Variants in ATP10A observed in about 807,000 individuals in gnomAD.
The protein encoded by ATP10A is phospholipid-transporting ATPase VA.
Under a neutral mutation model 147.8 loss-of-function variants are expected in ATP10A, and 111 were observed. The observed-to-expected ratio is 0.75, with a 90% confidence interval of 0.64 to 0.88. The LOEUF (loss-of-function observed/expected upper bound fraction) is 0.88. ATP10A is among the 40% of genes least tolerant of loss of function. ATP10A has a pLI of 0.00. For missense variants in ATP10A, 1,927 were observed against 1,959.0 expected, an observed-to-expected ratio of 0.98 and a Z score of 0.31; for synonymous variants, 875 against 841.6, an observed-to-expected ratio of 1.04 and a Z score of -0.69.
intron 1 of ATP10A, among the ~76,000 whole-genome samples, chr15:25,793,558 A>G (rs550664547): frequency 3.9e-5 from 6 of 152,282 alleles, no homozygotes; most frequent in African/African-American, 1.2e-4. Context: ...CAGCAGCTCC[A>G]CTTCGCTGGG....
chr15:25,709,076 C>T (rs1007402636), intron 10 of ATP10A: 2 of 152,218 alleles, frequency 1.3e-5, no homozygotes, highest in African/African-American at 4.8e-5. Flanking sequence ...ACAGAGCCCT[C>T]AAGGGAGTGA....
intron 2 of ATP10A, among the ~76,000 whole-genome samples, chr15:25,769,114 T>G (rs1460340823): frequency 6.6e-6 from 1 of 152,152 alleles, no homozygotes; most frequent in Non-Finnish European, 1.5e-5. Flanking sequence ...AAACACACTC[T>G]AATCAGATTT....
At chr15:25,681,214 A>T (rs749478670) in intron 17 of ATP10A, 140 bp from the exon 18 acceptor site, 4 of 774,392 alleles carry the variant, frequency 5.2e-6, no homozygotes, top group Non-Finnish European at 8.3e-6. Context: ...TAGAGCTGGG[A>T]AAGGCCATGA....
At chr15:25,725,920 C>T in intron 5 of ATP10A, 31 bp downstream of exon 5, 3 of 1,588,308 alleles carry the variant, frequency 1.9e-6, no homozygotes, top group Middle Eastern at 1.7e-4. Flanking sequence ...GCCTGGCCCC[C>T]ACTCATTTCC....
chr15:25,758,780 A>C (rs1206516514), intron 2 of ATP10A, among the ~76,000 whole-genome samples: 3 of 33,668 alleles, frequency 8.9e-5, no homozygotes, highest in African/African-American at 2.0e-4. Flanking sequence ...GCTCCACCCT[A>C]ACTCATTCCG....
At chr15:25,801,875 T>C (rs1333861450) in intron 1 of ATP10A, among the ~76,000 whole-genome samples, 11 of 152,160 alleles carry the variant, frequency 7.2e-5, no homozygotes, top group Admixed American at 6.5e-4. Context: ...ACTCGTTACA[T>C]GGATAACAGA....
intron 1 of ATP10A, among the ~76,000 whole-genome samples, chr15:25,850,645 C>A (rs552585376): frequency 6.6e-6 from 1 of 150,386 alleles, no homozygotes; most frequent in Non-Finnish European, 1.5e-5. Flanking sequence ...CCCTCCCTCC[C>A]CCCCCAGCCC....
At chr15:25,859,462 C>T (rs1238854293) in intron 1 of ATP10A, among the ~76,000 whole-genome samples, 1 of 152,140 alleles carries the variant, frequency 6.6e-6, no homozygotes, top group Non-Finnish European at 1.5e-5. Context: ...TAGCCAGCAC[C>T]GAGGTCCATA....
At chr15:25,812,254 A>G (rs1891466474) in intron 1 of ATP10A, among the ~76,000 whole-genome samples, 1 of 152,208 alleles carries the variant, frequency 6.6e-6, no homozygotes, top group Admixed American at 6.5e-5. Flanking sequence ...CAAAATAACA[A>G]GTCAGGAAAC....
At chr15:25,812,509 A>G (rs1218983013) in intron 1 of ATP10A, among the ~76,000 whole-genome samples, 1 of 152,204 alleles carries the variant, frequency 6.6e-6, no homozygotes, top group Non-Finnish European at 1.5e-5. Flanking sequence ...TTCCAAGAAC[A>G]CTTGCATTTG....
chr15:25,720,536 G>T (rs1355420984), intron 7 of ATP10A, among the ~76,000 whole-genome samples: 5 of 152,044 alleles, frequency 3.3e-5, no homozygotes, highest in Admixed American at 2.6e-4. Context: ...GCACTGTGCT[G>T]TACCAGGTTT....
At chr15:25,863,495 C>G (rs1203786292), upstream of ATP10A, 1 of 152,376 alleles carries the variant, frequency 6.6e-6, no homozygotes, top group African/African-American at 2.4e-5. Flanking sequence ...GGTTTAGTTT[C>G]GTTTCCCAGA....
rs981579751 is a variant in ATP10A at position 25,726,150 on chromosome 15, C to T, written c.848-68G>A. 4.1e-5 allele frequency: 64 copies of T among 1,549,190 alleles called. No individual in the cohort carries two copies. In the East Asian group the frequency reaches 5.7e-4, roughly 14 times the overall value. On this transcript the variant is annotated intron_variant, in intron 4 of 20. Transcript: ENST00000555815. The stretch of plus-strand genomic sequence containing the variant: ...GCTAAGGGACCAGCTGCATGGATGG[C>T]GTGGAGGGAATTCCATGCTGCCATT...
At position 25,680,286 on chromosome 15, in the gene ATP10A, C is replaced by T; in HGVS notation, c.3701G>A (p.Cys1234Tyr). 1 of 1,614,192 alleles carries T rather than the reference C, an allele frequency of 6.2e-7. No individual in the cohort carries two copies. The highest frequency in any genetic ancestry group is 8.5e-7 in the Non-Finnish European group (1 of 1,180,036). The change falls in exon 20 of 21, where the codon TGT becomes TAT. Residue 1234 changes from cysteine to tyrosine, a missense_variant. Coordinates refer to ENST00000555815, the MANE Select transcript of ATP10A (RefSeq NM_024490.4). Reference protein sequence around the residue: ...KTWTWLNWITCGFSVLLFFTV... With the variant: ...KTWTWLNWITYGFSVLLFFTV... ...GAAAAACAAAAGGACACTGAAGCCA[C>T]ACGTTATCCAGTTGAGCCAGGTCTG...
upstream of ATP10A, among the ~76,000 whole-genome samples, chr15:25,864,214 T>C (rs1371455901): frequency 1.3e-5 from 2 of 151,804 alleles, no homozygotes; most frequent in Non-Finnish European, 1.5e-5. Context: ...CTCCACATCA[T>C]GGGGCATCCG....
At chr15:25,766,956 C>CA (rs1355255466) in intron 2 of ATP10A, among the ~76,000 whole-genome samples, 3 of 149,244 alleles carry the variant, frequency 2.0e-5, no homozygotes, top group Non-Finnish European at 4.4e-5. Context: ...AATACATGGA[C>CA]ATTCACAGGC....
intron 1 of ATP10A, among the ~76,000 whole-genome samples, chr15:25,846,850 T>C (rs1360693417): frequency 1.3e-5 from 2 of 152,222 alleles, no homozygotes; most frequent in Non-Finnish European, 2.9e-5. Flanking sequence ...TTTTCATTTA[T>C]ATTTTGTATG....
chr15:25,854,958 C>T (rs1047338662), intron 1 of ATP10A, among the ~76,000 whole-genome samples: 1 of 151,414 alleles, frequency 6.6e-6, no homozygotes, highest in Admixed American at 6.6e-5. Flanking sequence ...TATTCGGAGG[C>T]TGAGGCAGGA....
At chr15:25,813,904 C>T (rs1891538469) in intron 1 of ATP10A, among the ~76,000 whole-genome samples, 1 of 151,816 alleles carries the variant, frequency 6.6e-6, no homozygotes, top group Non-Finnish European at 1.5e-5. Flanking sequence ...TATGGGACAA[C>T]TTCTAGTAGC....
Sources: allele counts gnomAD v4.1 joint callset (sites outside exome capture counted in the v4.1 genomes callset), GRCh38; gene constraint gnomAD v4.1.1; transcripts MANE v1.5; gene names NCBI Gene and HGNC (gene_info 2026-07-23, HGNC 2026-07-21).